The following SPOCK3 variants were observed in gnomAD, a reference collection of about 807,000 sequenced individuals.
SPOCK3 encodes testican-3.
A neutral mutation model predicts 56.6 loss-of-function variants in SPOCK3; 30 were observed. That is an observed-to-expected ratio of 0.53 (90% confidence interval 0.40 to 0.72). The LOEUF (loss-of-function observed/expected upper bound fraction) is 0.72, where lower values mean the gene tolerates loss of function less well. Among genes scored for constraint, SPOCK3 ranks in the 30% least tolerant of loss-of-function variants. The probability of loss-of-function intolerance (pLI) is 0.00; values close to 1 mark genes in which losing one functional copy is unlikely to be tolerated. For missense variants in SPOCK3, 527 were observed against 530.0 expected, an observed-to-expected ratio of 0.99 and a Z score of 0.06; for synonymous variants, 196 against 183.3, an observed-to-expected ratio of 1.07 and a Z score of -0.56.
intron 4 of SPOCK3, among the ~76,000 whole-genome samples, chr4:166,958,372 C>T (rs983539454): frequency 5.3e-5 from 8 of 152,140 alleles, no homozygotes; most frequent in Admixed American, 3.3e-4. Context: ...AGCCAATTAA[C>T]CTTTTTTTCT....
intron 6 of SPOCK3, among the ~76,000 whole-genome samples, chr4:166,880,465 T>G (rs1280425011): frequency 6.6e-6 from 1 of 152,220 alleles, no homozygotes; most frequent in Non-Finnish European, 1.5e-5. Context: ...CTCTCATGAT[T>G]TGATGTATTA....
intron 2 of SPOCK3, among the ~76,000 whole-genome samples, chr4:167,221,731 G>A (rs1247911458): frequency 6.6e-6 from 1 of 152,078 alleles, no homozygotes; most frequent in Non-Finnish European, 1.5e-5. Flanking sequence ...TTAGGGCAAT[G>A]CAAATCAAAA....
At position 166,855,017 on chromosome 4, in the gene SPOCK3, C is replaced by A. The variant is rs2068609; in HGVS notation, c.589+34113G>T. Among the ~76,000 whole-genome samples the A allele has an allele frequency of 2.6e-3, 403 of 152,224 alleles. 10 individuals carry two copies. In the East Asian group the frequency reaches 0.061, roughly 23 times the overall value. ...TGCCTGTCTCAAAGAAGTTGATGTT[C>A]CTTTATCTGCCTAAGATCCACAACC... On this transcript the variant is annotated intron_variant, in intron 6 of 10. Transcript: ENST00000357545.
intron 6 of SPOCK3, among the ~76,000 whole-genome samples, chr4:166,841,644 A>T (rs1327610614): frequency 7.6e-6 from 1 of 131,594 alleles, no homozygotes; most frequent in African/African-American, 3.4e-5. Context: ...AATTATAAAA[A>T]TGTCCATAAA....
intron 6 of SPOCK3, among the ~76,000 whole-genome samples, chr4:166,847,647 T>TTATATACATATATATATATATATA (rs1553986753): frequency 5.4e-5 from 3 of 55,366 alleles, no homozygotes; most frequent in Admixed American, 2.0e-4. Context: ...AAATCCTAGT[T>TTATATACATATATATATATATATA]TATATATATA....
chr4:166,768,108 A>G (rs1327038651), intron 7 of SPOCK3, among the ~76,000 whole-genome samples: 4 of 152,058 alleles, frequency 2.6e-5, no homozygotes. Context: ...GGTCTCCTGA[A>G]TACAGCACAC....
chr4:166,915,458 T>C (rs898914418), intron 4 of SPOCK3, among the ~76,000 whole-genome samples: 1 of 152,228 alleles, frequency 6.6e-6, no homozygotes, highest in Admixed American at 6.5e-5. Flanking sequence ...GATGAAGATG[T>C]AACATTAAAA....
chr4:166,804,996 C>T (rs1311842144), intron 6 of SPOCK3, among the ~76,000 whole-genome samples: 1 of 152,072 alleles, frequency 6.6e-6, no homozygotes, highest in African/African-American at 2.4e-5. Flanking sequence ...AACCAATATG[C>T]ATCTCCAAGA....
chr4:166,813,212 TG>T (rs1249048091), intron 6 of SPOCK3, among the ~76,000 whole-genome samples: 1 of 152,218 alleles, frequency 6.6e-6, no homozygotes, highest in Middle Eastern at 3.4e-3. Context: ...AGACCACTAA[TG>T]GCCTGTAGGA....
At chr4:166,847,319 T>A (rs768033216) in intron 6 of SPOCK3, among the ~76,000 whole-genome samples, 1 of 152,038 alleles carries the variant, frequency 6.6e-6, no homozygotes, top group Non-Finnish European at 1.5e-5. Flanking sequence ...GGAGACTTGT[T>A]AAACATTTAC....
chr4:167,079,556 G>C (rs984038745), intron 2 of SPOCK3, among the ~76,000 whole-genome samples: 1 of 151,770 alleles, frequency 6.6e-6, no homozygotes, highest in Non-Finnish European at 1.5e-5. Flanking sequence ...ATGGTGAAAA[G>C]GGCCATTTCC....
At chr4:167,142,192 C>T (rs1483539887) in intron 2 of SPOCK3, among the ~76,000 whole-genome samples, 1 of 151,692 alleles carries the variant, frequency 6.6e-6, no homozygotes, top group African/African-American at 2.4e-5. Context: ...GGAAGAGGTC[C>T]CCAAGCAATA....
chr4:166,992,567 T>G (rs533722392), intron 4 of SPOCK3, among the ~76,000 whole-genome samples: 3 of 152,174 alleles, frequency 2.0e-5, no homozygotes, highest in Non-Finnish European at 4.4e-5. Flanking sequence ...ACTACATATT[T>G]GTGTAAATAC....
Position 166,734,944 on chromosome 4 carries a change from C to T in SPOCK3, c.1279G>A (p.Asp427Asn), listed in dbSNP as rs1184090915. Residue 427 changes from aspartate to asparagine, a missense_variant, in exon 11 of 11, where the codon GAT becomes AAT. Transcript: ENST00000357545. ...AATCAAATGTATACATCATGGTCAT[C>T]ACCACCATCATCATCATCCCCTTCA... ...EDEGDDDDGG[D>N]DHDVYI 1.3e-6 allele frequency: 2 copies of T among 1,548,418 alleles called. No homozygotes were observed. Among genetic ancestry groups the T allele is most frequent in the Non-Finnish European group, 1.8e-6 (2 of 1,123,512 alleles).
intron 2 of SPOCK3, among the ~76,000 whole-genome samples, chr4:167,094,419 C>T (rs982452764): frequency 2.6e-5 from 4 of 151,898 alleles, no homozygotes; most frequent in East Asian, 1.9e-4. Flanking sequence ...TAAGTATATA[C>T]CCTGGCAAAA....
intron 6 of SPOCK3, among the ~76,000 whole-genome samples, chr4:166,881,908 G>C (rs2126983078): frequency 6.6e-6 from 1 of 152,180 alleles, no homozygotes; most frequent in South Asian, 2.1e-4. Context: ...ACTAGAAGTG[G>C]AATAGCAAAC....
intron 4 of SPOCK3, among the ~76,000 whole-genome samples, chr4:166,982,368 G>T (rs1427720017): frequency 6.6e-6 from 1 of 152,092 alleles, no homozygotes; most frequent in African/African-American, 2.4e-5. Flanking sequence ...CACATATTTT[G>T]TAATCTCACA....
chr4:167,193,442 A>C (rs1250603451), intron 2 of SPOCK3, among the ~76,000 whole-genome samples: 2 of 146,090 alleles, frequency 1.4e-5, no homozygotes, highest in African/African-American at 2.6e-5. Flanking sequence ...TTATTGAGGT[A>C]ATACTTTACA....
At chr4:167,162,821 C>T (rs538293708) in intron 2 of SPOCK3, among the ~76,000 whole-genome samples, 6 of 151,894 alleles carry the variant, frequency 4.0e-5, no homozygotes, top group Admixed American at 1.3e-4. Context: ...AATATGAAGA[C>T]GTGCAGTGTT....
Sources: allele counts gnomAD v4.1 joint callset (sites outside exome capture counted in the v4.1 genomes callset), GRCh38; gene constraint gnomAD v4.1.1; transcripts MANE v1.5; gene names NCBI Gene and HGNC (gene_info 2026-07-23, HGNC 2026-07-21).